The following DPP6 variants were observed in gnomAD, a reference collection of about 807,000 sequenced individuals.
DPP6 encodes the protein A-type potassium channel modulatory protein DPP6.
Under a neutral mutation model 122.6 loss-of-function variants are expected in DPP6, and 69 were observed. The ratio of observed to expected loss-of-function variants is 0.56; its 90% CI spans 0.46 to 0.69. The LOEUF is 0.69. Among genes scored for constraint, DPP6 ranks in the 30% least tolerant of loss-of-function variants. The pLI is 0.00. For missense variants in DPP6, 928 were observed against 1,116.9 expected (o/e 0.83, Z 2.41); for synonymous variants, 418 against 433.1 (o/e 0.97, Z 0.43).
At chr7:154,759,613 G>A (rs974884108) in intron 8 of DPP6, among the ~76,000 whole-genome samples, 6 of 152,190 alleles carry the variant, frequency 3.9e-5, no homozygotes, top group Non-Finnish European at 5.9e-5. Context: ...GGCCCAAGAT[G>A]GGACCCCCTA....
chr7:154,143,221 A>G (rs1542626), intron 1 of DPP6, among the ~76,000 whole-genome samples: 2 of 152,212 alleles, frequency 1.3e-5, no homozygotes, highest in East Asian at 1.9e-4. Context: ...AAAAGGCAAC[A>G]AAGACAGAGT....
chr7:154,489,823 C>T (rs1824118795), intron 3 of DPP6, among the ~76,000 whole-genome samples: 1 of 152,182 alleles, frequency 6.6e-6, no homozygotes, highest in Non-Finnish European at 1.5e-5. Flanking sequence ...TCCTGTGCTC[C>T]TGCCTCAGGT....
At position 154,166,610 on chromosome 7, in the gene DPP6, G is replaced by A. The variant is rs140137643; in HGVS notation, c.243+113547G>A. On this transcript the variant is annotated intron_variant, in intron 1 of 25. Coordinates refer to ENST00000377770, the MANE Select transcript of DPP6 (RefSeq NM_130797.4). Reference sequence around the variant, plus strand: ...CCCAGTGTGGGAGCACAGTATGTACGTTTAGAAAAGTTTTCATATGGCCGG... The same window carrying A: ...CCCAGTGTGGGAGCACAGTATGTACATTTAGAAAAGTTTTCATATGGCCGG... Among the ~76,000 whole-genome samples the A allele has an allele frequency of 9.4e-3, 1,363 of 145,718 alleles. 55 individuals are homozygous for A. The highest frequency in any genetic ancestry group is 0.036 in the African/African-American group (1,282 of 36,038).
Position 154,036,364 on chromosome 7 carries a change from G to A in DPP6, c.51+148630G>A, listed in dbSNP as rs1044117823. 4.1e-5 allele frequency among the ~76,000 whole-genome samples: 6 copies of A among 147,862 alleles called. No individual in the cohort carries two copies. In the East Asian group the frequency reaches 6.0e-4, roughly 15 times the overall value. ...TCGAACTCCTGACTTCAGGTGATCCGCCCACCTCAGCCTCCCAAAGTGCTG... is the reference window on the plus strand; with the variant it reads ...TCGAACTCCTGACTTCAGGTGATCCACCCACCTCAGCCTCCCAAAGTGCTG... On this transcript the variant is annotated intron_variant, in intron 1 of 25. Coordinates refer to the DPP6 transcript ENST00000404039.
intron 7 of DPP6, among the ~76,000 whole-genome samples, chr7:154,691,986 C>T (rs1351306918): frequency 2.4e-4 from 3 of 12,534 alleles, no homozygotes. Context: ...GGGTGGAAAC[C>T]CAGCCCTCAC....
intron 1 of DPP6, among the ~76,000 whole-genome samples, chr7:154,211,903 T>C (rs187433957): frequency 6.6e-6 from 1 of 152,292 alleles, no homozygotes; most frequent in African/African-American, 2.4e-5. Flanking sequence ...AACCTCCCCA[T>C]TATGAATTGA....
chr7:154,536,118 G>A (rs750242736), intron 3 of DPP6, among the ~76,000 whole-genome samples: 5 of 152,150 alleles, frequency 3.3e-5, no homozygotes, highest in Non-Finnish European at 7.4e-5. Flanking sequence ...TAGTATAAGG[G>A]AATGAAACAT....
At chr7:154,354,974 C>A (rs1811157201) in intron 1 of DPP6, among the ~76,000 whole-genome samples, 1 of 152,202 alleles carries the variant, frequency 6.6e-6, no homozygotes, top group South Asian at 2.1e-4. Flanking sequence ...CAGCAGTGAA[C>A]CAGAATGTCA....
chr7:154,559,609 G>A (rs1830279340), intron 4 of DPP6, among the ~76,000 whole-genome samples: 1 of 152,066 alleles, frequency 6.6e-6, no homozygotes, highest in Admixed American at 6.5e-5. Context: ...AAAGGAGCGA[G>A]ACGTGTTTGG....
chr7:154,804,951 C>G lies in DPP6; in HGVS notation c.1534C>G (p.Arg512Gly). 6.2e-7 allele frequency: 1 copy of G among 1,600,698 alleles called. No homozygotes were observed. Among genetic ancestry groups the G allele is most frequent in the Non-Finnish European group, 8.5e-7 (1 of 1,173,382 alleles). Residue 512 changes from arginine to glycine, a missense_variant, in exon 15 of 26, where the codon CGA (arginine) becomes GGA (glycine). Physicochemically the swap from Arg to Gly is moderately radical, Grantham distance 125 (BLOSUM62 -2). Transcript: ENST00000377770. The stretch of plus-strand genomic sequence containing the variant: ...GAGCACGGAGGACCTGCCTCGGAGA[C>G]GACAACTCTACAGGTAACTCCTGCT... Reference protein sequence around the residue: ...FLSTEDLPRRRQLYSANTVGN... With the variant: ...FLSTEDLPRRGQLYSANTVGN...
the DPP6 span, among the ~76,000 whole-genome samples, chr7:153,865,329 G>A: frequency 6.6e-6 from 1 of 152,252 alleles, no homozygotes; most frequent in South Asian, 2.1e-4. Flanking sequence ...TGTTGATATT[G>A]TTAGGTTTGG....
intron 3 of DPP6, among the ~76,000 whole-genome samples, chr7:154,489,268 A>C (rs1824066009): frequency 6.6e-6 from 1 of 152,172 alleles, no homozygotes; most frequent in African/African-American, 2.4e-5. Flanking sequence ...AGTGAATCAG[A>C]GTTCTCTTCA....
intron 9 of DPP6, among the ~76,000 whole-genome samples, chr7:154,770,563 A>G (rs1796194532): frequency 6.6e-6 from 1 of 152,224 alleles, no homozygotes; most frequent in South Asian, 2.1e-4. Flanking sequence ...GGCCCTCGCC[A>G]GATACTGAAT....
chr7:153,892,941 GATTA>G (rs966383753), intron 1 of DPP6, among the ~76,000 whole-genome samples: 22 of 152,206 alleles, frequency 1.4e-4, no homozygotes, highest in African/African-American at 5.1e-4. Context: ...TTGAAATATT[GATTA>G]ATCCCATCTG....
intron 18 of DPP6, 64 bp from the exon 19 acceptor site, chr7:154,872,560 G>T: frequency 5.2e-6 from 8 of 1,546,528 alleles, no homozygotes; most frequent in Non-Finnish European, 6.1e-6. Flanking sequence ...TCACCCAAGG[G>T]CATGCCCGAT....
Position 154,223,722 on chromosome 7 carries a change from G to A in DPP6, c.243+170659G>A, listed in dbSNP as rs570871844. 7.4e-5 allele frequency among the ~76,000 whole-genome samples: 11 copies of A among 149,614 alleles called. 1 individual carries two copies. The East Asian group carries it at 2.1e-3, about 29-fold the overall frequency. Reference sequence around the variant, plus strand: ...TGTCCCTAGTCCTGCAGGGCGTGGTGTGCCACATCTTCCTAGAAGCAACGG... The same window carrying A: ...TGTCCCTAGTCCTGCAGGGCGTGGTATGCCACATCTTCCTAGAAGCAACGG... On this transcript the variant is annotated intron_variant, in intron 1 of 25. Coordinates refer to ENST00000377770, the MANE Select transcript of DPP6 (RefSeq NM_130797.4).
At chr7:153,833,419 A>C in the DPP6 span, among the ~76,000 whole-genome samples, 1 of 152,206 alleles carries the variant, frequency 6.6e-6, no homozygotes, top group African/African-American at 2.4e-5. Flanking sequence ...CACACCTGTA[A>C]TCCCAGCACT....
chr7:154,889,182 A>T, intron 23 of DPP6, 90 bp from the exon 24 acceptor site: 1 of 1,523,036 alleles, frequency 6.6e-7, no homozygotes, highest in Non-Finnish European at 8.8e-7. Context: ...AATACACTTC[A>T]CCTACCTTCT....
At chr7:153,951,093 T>TA (rs959374012) in intron 1 of DPP6, among the ~76,000 whole-genome samples, 4 of 136,948 alleles carry the variant, frequency 2.9e-5, no homozygotes, top group African/African-American at 1.1e-4. Context: ...AGGGAAGAAA[T>TA]AAAAAAACCG....
Sources: allele counts gnomAD v4.1 joint callset (sites outside exome capture counted in the v4.1 genomes callset), GRCh38; gene constraint gnomAD v4.1.1; transcripts MANE v1.5; gene names NCBI Gene and HGNC (gene_info 2026-07-23, HGNC 2026-07-21).